KIF20B: variants seen among roughly 807,000 people sequenced by gnomAD.
The protein encoded by KIF20B is kinesin-like protein KIF20B.
In KIF20B, 188 loss-of-function variants were observed where a neutral mutation model predicts 232.5. The observed-to-expected ratio is 0.81, with a 90% confidence interval of 0.72 to 0.91. The LOEUF (loss-of-function observed/expected upper bound fraction) is 0.91, where lower values mean the gene tolerates loss of function less well. KIF20B is among the 40% of genes least tolerant of loss of function. The pLI, the probability that KIF20B is intolerant of heterozygous loss-of-function variation, is 0.00. For synonymous variants in KIF20B, 712 were observed against 683.0 expected (o/e 1.04, Z -0.66); for missense variants, 2,154 against 2,055.9 (o/e 1.05, Z -0.92).
At chr10:89,741,581 A>G (rs1841795907) in intron 21 of KIF20B, among the ~76,000 whole-genome samples, 1 of 152,226 alleles carries the variant, frequency 6.6e-6, no homozygotes, top group African/African-American at 2.4e-5. Context: ...TCCTCACACA[A>G]TATCGGGTAT....
At chr10:89,715,271 G>T in intron 8 of KIF20B, 89 bp downstream of exon 8, 1 of 798,248 alleles carries the variant, frequency 1.3e-6, no homozygotes. Flanking sequence ...ATAGAAAATT[G>T]AAAATTGTAA....
chr10:89,757,040 G>GTATATATATATATA (rs34325599), intron 26 of KIF20B, among the ~76,000 whole-genome samples: 1,612 of 110,436 alleles, frequency 0.015, 30 homozygotes, highest in Non-Finnish European at 0.022. Context: ...GTGTGTGTGT[G>GTATATATATATATA]TATATATATA....
At chr10:89,757,022 T>TTTG (rs1554852902) in intron 26 of KIF20B, among the ~76,000 whole-genome samples, 2 of 122,836 alleles carry the variant, frequency 1.6e-5, no homozygotes, top group African/African-American at 6.6e-5. Context: ...TATATCTCTG[T>TTTG]TGTGTGTGTG....
chr10:89,725,096 G>C lies in KIF20B; in HGVS notation c.1939G>C (p.Gly647Arg), dbSNP rs767767972. The change falls in exon 15 of 33, where the codon GGT becomes CGT. Residue 647 changes from glycine (G) to arginine (R), a missense_variant. By Grantham distance (125) the Gly-to-Arg change is moderately radical. Transcript: ENST00000371728. ...RRLAIFKDLV[G>R]KCDTREEAAK... ...TTTGGCTATCTTCAAGGATTTGGTT[G>C]GTAAATGTGACACTCGAGAAGAAGC... 5.0e-6 allele frequency: 8 copies of C among 1,613,718 alleles called. No homozygotes were observed. The highest frequency in any genetic ancestry group is 1.3e-5 in the African/African-American group (1 of 74,880).
chr10:89,718,935 TA>T, intron 12 of KIF20B, 63 bp downstream of exon 12: 1 of 1,035,542 alleles, frequency 9.7e-7, no homozygotes, highest in South Asian at 1.9e-5. Flanking sequence ...TTGAAATAAA[TA>T]TTTTTTACTT....
At chr10:89,734,692 A>C (rs191348025) in intron 19 of KIF20B, among the ~76,000 whole-genome samples, 1 of 152,182 alleles carries the variant, frequency 6.6e-6, no homozygotes, top group Admixed American at 6.5e-5. Flanking sequence ...TTACATGTGC[A>C]TCCCATGGGC....
At chr10:89,724,458 G>A (rs997651387) in intron 14 of KIF20B, among the ~76,000 whole-genome samples, 20 of 152,122 alleles carry the variant, frequency 1.3e-4, no homozygotes, top group African/African-American at 4.8e-4. Context: ...GAACCTGGGA[G>A]GTGTAGGTTG....
Position 89,719,539 on chromosome 10 carries a change from A to G in KIF20B, c.1555A>G (p.Thr519Ala). 6.2e-7 allele frequency: 1 copy of G among 1,613,216 alleles called. No individual in the cohort carries two copies. ...NSKILNVKRA[T>A]ISWENSLEDL... Reference sequence around the variant, plus strand: ...TAAAATATTAAATGTAAAAAGAGCCACCATTTCATGGGAAAATAGTCTAGA... The same window carrying G: ...TAAAATATTAAATGTAAAAAGAGCCGCCATTTCATGGGAAAATAGTCTAGA... The change falls in exon 13 of 33, where the codon ACC becomes GCC. Residue 519 changes from threonine to alanine, a missense_variant. By Grantham distance (58) the Thr-to-Ala change is moderately conservative. Coordinates refer to ENST00000371728, the MANE Select transcript of KIF20B (RefSeq NM_001284259.2).
In KIF20B at chr10:89,715,996, T is replaced by A. The variant is rs554902318; in HGVS notation, c.941-440T>A. Among the ~76,000 whole-genome samples the A allele has an allele frequency of 3.0e-3, 458 of 151,328 alleles. 3 individuals carry two copies. The highest frequency in any genetic ancestry group is 0.01 in the African/African-American group (428 of 41,380). ...ACAGAGTGAAACCTTGTCTCCAAAA[T>A]AAATAAATAAATAAATAAATAAATA... is the stretch of plus-strand genomic sequence containing the variant. On this transcript the variant is annotated intron_variant, in intron 8 of 32. Coordinates refer to ENST00000371728, the MANE Select transcript of KIF20B (RefSeq NM_001284259.2).
chr10:89,760,438 A>G, intron 27 of KIF20B, 88 bp from the exon 28 acceptor site: 1 of 797,212 alleles, frequency 1.3e-6, no homozygotes, highest in Non-Finnish European at 2.1e-6. Context: ...TTTCATACAA[A>G]TCTTGATTTT....
At chr10:89,716,165 A>C (rs1259898706) in intron 8 of KIF20B, among the ~76,000 whole-genome samples, 2 of 152,026 alleles carry the variant, frequency 1.3e-5, no homozygotes, top group Non-Finnish European at 2.9e-5. Context: ...TGAGTGTCTA[A>C]TTCTAAGGAA....
intron 7 of KIF20B, among the ~76,000 whole-genome samples, chr10:89,714,555 T>A (rs776101553): frequency 1.3e-5 from 2 of 152,226 alleles, no homozygotes; most frequent in Non-Finnish European, 2.9e-5. Context: ...TTAATTTCTA[T>A]AATGACATAG....
At position 89,722,388 on chromosome 10, in the gene KIF20B, C is replaced by T. The variant is rs556180502; in HGVS notation, c.1723-1576C>T. Among the ~76,000 whole-genome samples, 114 of 152,010 alleles carry T rather than the reference C, an allele frequency of 7.5e-4. 1 individual carries two copies. The highest frequency in any genetic ancestry group is 1.4e-3 in the Non-Finnish European group (97 of 67,960). ...AATTATTGAAAACTATTAAACTTCC[C>T]GCCAGGCGCGGTGGCTCATGCCTGT... is the stretch of plus-strand genomic sequence containing the variant. On this transcript the variant is annotated intron_variant, in intron 13 of 32. Transcript: ENST00000371728.
intron 18 of KIF20B, 139 bp from the exon 19 acceptor site, chr10:89,732,764 C>G: frequency 4.4e-6 from 3 of 687,078 alleles, no homozygotes; most frequent in Non-Finnish European, 6.5e-6. Flanking sequence ...TAGGACGAAA[C>G]TTAAGAAATA....
chr10:89,707,735 A>G (rs1015826913), intron 2 of KIF20B, among the ~76,000 whole-genome samples: 2 of 151,224 alleles, frequency 1.3e-5, no homozygotes, highest in South Asian at 4.2e-4. Flanking sequence ...TCTTCTTATT[A>G]CTCATTTTGC....
At chr10:89,743,779 C>T (rs1312627985) in intron 21 of KIF20B, 29 bp from the exon 22 acceptor site, 2 of 1,324,916 alleles carry the variant, frequency 1.5e-6, no homozygotes, top group Non-Finnish European at 1.0e-6. Flanking sequence ...TTAAAATATT[C>T]CATTTGTTTT....
intron 23 of KIF20B, among the ~76,000 whole-genome samples, chr10:89,750,475 GT>G: frequency 6.6e-6 from 1 of 152,188 alleles, no homozygotes; most frequent in East Asian, 1.9e-4. Context: ...TTCTCTTACT[GT>G]TTAGTTTGTT....
At chr10:89,706,651 A>G (rs1238290131) in intron 2 of KIF20B, among the ~76,000 whole-genome samples, 5 of 150,434 alleles carry the variant, frequency 3.3e-5, no homozygotes, top group Non-Finnish European at 7.4e-5. Context: ...TTTTAACTAC[A>G]TAAGTAGTTA....
At position 89,745,749 on chromosome 10, in the gene KIF20B, G is replaced by T. The variant is rs528893795; in HGVS notation, c.4036-150G>T. On this transcript the variant is annotated intron_variant, in intron 22 of 32. Transcript: ENST00000371728. ...ACCCTTTTCTCCAAGATGAAAGACA[G>T]TTGGAAGCTTGAGACTGGTACCAGC... 7.4e-5 allele frequency: 45 copies of T among 604,994 alleles called. No individual in the cohort carries two copies. The East Asian group carries it at 1.2e-3, about 17-fold the overall frequency. The allele number at this position is 604,994 out of a possible 1,614,324, so 37.5% of individuals were successfully genotyped here. A position where few individuals can be genotyped will look rare whatever the true frequency, so the allele number is the denominator to read the frequency against.
Sources: gnomAD v4.1 joint callset for allele counts (sites outside exome capture counted in the v4.1 genomes callset) on GRCh38, gnomAD v4.1.1 for gene constraint, MANE v1.5 for transcripts, NCBI Gene and HGNC (gene_info 2026-07-23, HGNC 2026-07-21) for gene names.